Variants in AGPAT4 observed in about 807,000 individuals in gnomAD.
The protein encoded by AGPAT4 is 1-acylglycerol-3-phosphate O-acyltransferase 4.
A neutral mutation model predicts 48.0 loss-of-function variants in AGPAT4; 15 were observed. The ratio of observed to expected loss-of-function variants is 0.31; its 90% confidence interval spans 0.21 to 0.48. The LOEUF (loss-of-function observed/expected upper bound fraction) is 0.48, where lower values mean the gene tolerates loss of function less well. AGPAT4 is among the 20% of genes least tolerant of loss of function. The pLI is 0.99. For missense variants in AGPAT4, 314 were observed against 482.5 expected, an observed-to-expected ratio of 0.65 and a Z score of 3.27; for synonymous variants, 178 against 198.7, an observed-to-expected ratio of 0.90 and a Z score of 0.88.
In AGPAT4 at chr6:161,255,436, G is replaced by A. The variant is rs1056544816; in HGVS notation, c.-90+18502C>T. 1.4e-4 allele frequency among the ~76,000 whole-genome samples: 22 copies of A among 152,128 alleles called. No homozygotes were observed. The highest frequency in any genetic ancestry group is 5.9e-4 in the Admixed American group (9 of 15,256). ...CTTGTACACCCACGTTCACGGCAGC[G>A]TTGCTCTCGATAGCCAAAGGCCGAA... On this transcript the variant is annotated intron_variant, in intron 1 of 8. Coordinates refer to ENST00000320285, the MANE Select transcript of AGPAT4 (RefSeq NM_020133.3). This position sits in a 1 kb window ranked among gnomAD's most constrained non-coding sequence, Gnocchi z 4.7.
rs1237000626 is a variant in AGPAT4, at chr6:161,262,263, T to A, written c.-90+11675A>T. On this transcript the variant is annotated intron_variant, in intron 1 of 8. Coordinates refer to ENST00000320285, the MANE Select transcript of AGPAT4 (RefSeq NM_020133.3). The surrounding 1 kb of genome is among the most constrained non-coding windows in gnomAD (Gnocchi z 4.9). ...AAGGTGGGGCCCAGGAAGTCCTTTT[T>A]AAAATGCTTCCTAGGTGATCCTCAT... Among the ~76,000 whole-genome samples the A allele has an allele frequency of 6.6e-6, 1 of 152,134 alleles. No homozygotes were observed. Among genetic ancestry groups the A allele is most frequent in the Non-Finnish European group, 1.5e-5 (1 of 68,026 alleles).
At chr6:161,203,672 A>G (rs1023686938) in intron 2 of AGPAT4, among the ~76,000 whole-genome samples, 2 of 152,168 alleles carry the variant, frequency 1.3e-5, no homozygotes, top group African/African-American at 4.8e-5. Context: ...TGCTGGGATT[A>G]CAGGCATGAG....
At chr6:161,237,031 A>C (rs1265138577) in intron 1 of AGPAT4, among the ~76,000 whole-genome samples, 3 of 152,218 alleles carry the variant, frequency 2.0e-5, no homozygotes, top group Non-Finnish European at 4.4e-5. Context: ...TTTTTAAATC[A>C]TACAGAATAG....
chr6:161,175,855 T>C (rs2114988179), intron 2 of AGPAT4, among the ~76,000 whole-genome samples: 1 of 152,348 alleles, frequency 6.6e-6, no homozygotes, highest in East Asian at 1.9e-4. Flanking sequence ...CTCATTGGTT[T>C]CAAAGAACAT....
rs1189297956 is a variant in AGPAT4, at chr6:161,262,143, G to T, written c.-90+11795C>A. On this transcript the variant is annotated intron_variant, in intron 1 of 8. Transcript: ENST00000320285. The surrounding 1 kb of genome is among the most constrained non-coding windows in gnomAD (Gnocchi z 4.9). ...TTTTTTTTCAAAGTCACCCTCTTCT[G>T]GCTAGCCACCCTCCTTCTATCCTGA... 6.6e-6 allele frequency among the ~76,000 whole-genome samples: 1 copy of T among 151,866 alleles called. No homozygotes were observed. The highest frequency in any genetic ancestry group is 1.5e-5 in the Non-Finnish European group (1 of 67,984).
In AGPAT4 at chr6:161,158,107, C is replaced by T. The variant is rs957348850; in HGVS notation, c.349-3797G>A. 2.0e-5 allele frequency among the ~76,000 whole-genome samples: 3 copies of T among 152,138 alleles called. No homozygotes were observed. Among genetic ancestry groups the T allele is most frequent in the Admixed American group, 6.5e-5 (1 of 15,276 alleles). On this transcript the variant is annotated intron_variant, in intron 3 of 8. Transcript: ENST00000320285. This position sits in a 1 kb window ranked among gnomAD's most constrained non-coding sequence, Gnocchi z 5.3. ...ACCCATTTTCTCTGCCATGCTTTAG[C>T]GTAATAGTAACAACAATAGATTACA...
intron 2 of AGPAT4, among the ~76,000 whole-genome samples, chr6:161,194,479 C>T (rs1583318797): frequency 6.9e-6 from 1 of 145,840 alleles, no homozygotes; most frequent in African/African-American, 2.7e-5. Context: ...AGAATATGCG[C>T]ATGTATGTGT....
rs1782642662 is a variant in AGPAT4, at chr6:161,246,217, C to CT, written c.-89-13916dup. On this transcript the variant is annotated intron_variant, in intron 1 of 8. Coordinates refer to ENST00000320285, the MANE Select transcript of AGPAT4 (RefSeq NM_020133.3). The surrounding 1 kb of genome is among the most constrained non-coding windows in gnomAD (Gnocchi z 5.5). Reference sequence around the variant, plus strand: ...GGAGAAGTGATGAGGTTCTTTCCAACTTTTAAGCAGAATCCAGGACAGAGT... The same window carrying CT: ...GGAGAAGTGATGAGGTTCTTTCCAACTTTTTAAGCAGAATCCAGGACAGAGT... Among the ~76,000 whole-genome samples the CT allele has an allele frequency of 2.0e-5, 3 of 152,182 alleles. No individual in the cohort carries two copies. The highest frequency in any genetic ancestry group is 2.0e-4 in the Admixed American group (3 of 15,282).
At position 161,194,678 on chromosome 6, in the gene AGPAT4, G is replaced by A. The variant is rs543151097; in HGVS notation, c.179-28261C>T. Among the ~76,000 whole-genome samples the A allele has an allele frequency of 6.6e-5, 10 of 151,944 alleles. No homozygotes were observed. The South Asian group carries it at 8.3e-4, about 13-fold the overall frequency. ...TGTATGTGTATGTGTGTATAGATGC[G>A]TAGGTATGTATGTATGTATTGTGTG... On this transcript the variant is annotated intron_variant, in intron 2 of 8. Coordinates refer to ENST00000320285, the MANE Select transcript of AGPAT4 (RefSeq NM_020133.3).
chr6:161,145,594 T>G (rs1779394838), intron 7 of AGPAT4, among the ~76,000 whole-genome samples: 1 of 151,702 alleles, frequency 6.6e-6, no homozygotes. Flanking sequence ...TACTAGAGTC[T>G]GTTAAGAGTC....
rs2114979282 is a variant in AGPAT4, at chr6:161,165,717, G to T, written c.348+531C>A. On this transcript the variant is annotated intron_variant, in intron 3 of 8. Coordinates refer to ENST00000320285, the MANE Select transcript of AGPAT4 (RefSeq NM_020133.3). The surrounding 1 kb of genome is among the most constrained non-coding windows in gnomAD (Gnocchi z 5.5). ...AAGCTACGTGCAAGAGGTCAAACTA[G>T]TTGGGAAAAAAAAAAAACAGAATTT... 3.4e-6 allele frequency: 3 copies of T among 891,976 alleles called. No homozygotes were observed. The highest frequency in any genetic ancestry group is 3.0e-4 in the Middle Eastern group (1 of 3,374). The allele number at this position is 891,976 out of a possible 1,614,324, so 55.3% of individuals were successfully genotyped here.
chr6:161,230,867 T>A (rs1266417633), intron 2 of AGPAT4, among the ~76,000 whole-genome samples: 1 of 152,202 alleles, frequency 6.6e-6, no homozygotes, highest in Non-Finnish European at 1.5e-5. Context: ...TCAAACTATA[T>A]CCAAAATAGT....
At position 161,169,585 on chromosome 6, in the gene AGPAT4, C is replaced by G. The variant is rs773339841; in HGVS notation, c.179-3168G>C. Among the ~76,000 whole-genome samples, 64 of 152,278 alleles carry G rather than the reference C, an allele frequency of 4.2e-4. No individual in the cohort carries two copies. Among genetic ancestry groups the G allele is most frequent in the Middle Eastern group, 3.4e-3 (1 of 294 alleles). ...TCCTGGGTTCAAGCAATCCTTCCAC[C>G]TTGGCCTCCCAAAGTGCTGGGATTA... On this transcript the variant is annotated intron_variant, in intron 2 of 8. Transcript: ENST00000320285. This position sits in a 1 kb window ranked among gnomAD's most constrained non-coding sequence, Gnocchi z 5.0.
intron 2 of AGPAT4, among the ~76,000 whole-genome samples, chr6:161,172,444 G>A (rs925083078): frequency 4.6e-5 from 7 of 152,194 alleles, no homozygotes; most frequent in African/African-American, 7.2e-5. Context: ...GCATCCCAAG[G>A]TGCACACACT....
rs374975527 is a variant in AGPAT4 at position 161,218,787 on chromosome 6, TTATCTACCAAACAGTATGATAAAACACTG to T, written c.178+13220_178+13248del. Among the ~76,000 whole-genome samples, 83 of 150,992 alleles carry T rather than the reference TTATCTACCAAACAGTATGATAAAACACTG, an allele frequency of 5.5e-4. 2 individuals carry two copies. The highest frequency in any genetic ancestry group is 3.4e-3 in the Middle Eastern group (1 of 294). ...AGGTGGCAGAGGTGAAAAAACACTG[TTATCTACCAAACAGTATGATAAAACACTG>T]TATCTACCAAACAGTATGATAAAAC... is the stretch of plus-strand genomic sequence containing the variant. On this transcript the variant is annotated intron_variant, in intron 2 of 8. Transcript: ENST00000320285. The surrounding 1 kb of genome is among the most constrained non-coding windows in gnomAD (Gnocchi z 4.7).
In AGPAT4 at chr6:161,270,675, G is replaced by A. The variant is rs147082570; in HGVS notation, c.-90+3263C>T. Among the ~76,000 whole-genome samples, 561 of 152,218 alleles carry A rather than the reference G, an allele frequency of 3.7e-3. 4 individuals carry two copies. The highest frequency in any genetic ancestry group is 0.013 in the African/African-American group (539 of 41,538). On this transcript the variant is annotated intron_variant, in intron 1 of 8. Transcript: ENST00000320285. The surrounding 1 kb of genome is among the most constrained non-coding windows in gnomAD (Gnocchi z 5.3). ...CACATGCTTGTGATCCCAGCTACTCGGGAGGCTGAGGCAGGAGAATCGCTT... is the reference window on the plus strand; with the variant it reads ...CACATGCTTGTGATCCCAGCTACTCAGGAGGCTGAGGCAGGAGAATCGCTT...
intron 1 of AGPAT4, among the ~76,000 whole-genome samples, chr6:161,248,159 T>C (rs1448182670): frequency 6.6e-6 from 1 of 151,946 alleles, no homozygotes; most frequent in Non-Finnish European, 1.5e-5. Flanking sequence ...GATAAACAAC[T>C]TCAGCAAAGT....
At position 161,211,147 on chromosome 6, in the gene AGPAT4, T is replaced by C. The variant is rs531575882; in HGVS notation, c.178+20889A>G. Among the ~76,000 whole-genome samples, 74 of 152,356 alleles carry C rather than the reference T, an allele frequency of 4.9e-4. 1 individual carries two copies. The highest frequency in any genetic ancestry group is 1.5e-3 in the African/African-American group (64 of 41,588). ...GTACCATAACTTTAAATGGTGACTA[T>C]CACAGTTTCCATAAATAATCTAGCT... On this transcript the variant is annotated intron_variant, in intron 2 of 8. Coordinates refer to ENST00000320285, the MANE Select transcript of AGPAT4 (RefSeq NM_020133.3).
At position 161,206,061 on chromosome 6, in the gene AGPAT4, C is replaced by T. The variant is rs1487374297; in HGVS notation, c.178+25975G>A. Among the ~76,000 whole-genome samples the T allele has an allele frequency of 6.6e-6, 1 of 151,914 alleles. No homozygotes were observed. The highest frequency in any genetic ancestry group is 1.5e-5 in the Non-Finnish European group (1 of 67,988). On this transcript the variant is annotated intron_variant, in intron 2 of 8. Transcript: ENST00000320285. This position sits in a 1 kb window ranked among gnomAD's most constrained non-coding sequence, Gnocchi z 4.8. ...TTGTACTCGTATGTTTTTTCAAGCC[C>T]GTGCGATGTAGACAAAAAAAGCCCC...
Sources: allele counts gnomAD v4.1 joint callset (sites outside exome capture counted in the v4.1 genomes callset), GRCh38; gene constraint gnomAD v4.1.1; non-coding constraint Gnocchi (gnomAD v3.1); transcripts MANE v1.5; gene names NCBI Gene and HGNC (gene_info 2026-07-23, HGNC 2026-07-21).